Variants in SP100 observed in about 807,000 individuals in gnomAD.
The protein encoded by SP100 is SP100 nuclear body protein.
A neutral mutation model predicts 130.0 loss-of-function variants in SP100; 84 were observed. That is an observed-to-expected ratio of 0.65 (90% CI 0.54 to 0.77). The LOEUF (loss-of-function observed/expected upper bound fraction) is 0.77. SP100 is among the 30% of genes least tolerant of loss of function. The pLI, the probability that SP100 is intolerant of heterozygous loss-of-function variation, is 0.00. For missense variants in SP100, 978 were observed against 1,052.2 expected, an observed-to-expected ratio of 0.93 and a Z score of 0.97; for synonymous variants, 331 against 351.7, an observed-to-expected ratio of 0.94 and a Z score of 0.66.
chr2:230,518,960 G>GGTTT (rs1226721951), intron 24 of SP100, among the ~76,000 whole-genome samples: 1 of 152,094 alleles, frequency 6.6e-6, no homozygotes, highest in African/African-American at 2.4e-5. Flanking sequence ...ACTACAGAGA[G>GGTTT]GTTTTATAGC....
intron 8 of SP100, among the ~76,000 whole-genome samples, chr2:230,450,584 T>G (rs1416084555): frequency 6.6e-6 from 1 of 152,202 alleles, no homozygotes; most frequent in Non-Finnish European, 1.5e-5. Flanking sequence ...GTATTTCTCT[T>G]ATTTAACTAA....
At chr2:230,433,672 C>T (rs2063162945) in intron 2 of SP100, among the ~76,000 whole-genome samples, 1 of 151,856 alleles carries the variant, frequency 6.6e-6, no homozygotes, top group African/African-American at 2.4e-5. Context: ...CAATGTTTTG[C>T]CATTTTCAAC....
chr2:230,516,032 A>AG (rs60209140), intron 24 of SP100: 1 of 994,602 alleles, frequency 1.0e-6, no homozygotes, highest in Non-Finnish European at 1.2e-6. Flanking sequence ...AAAAAAAAAA[A>AG]CAGTTGCAGC....
chr2:230,533,078 G>T (rs1424713873), intron 24 of SP100, among the ~76,000 whole-genome samples: 3 of 152,110 alleles, frequency 2.0e-5, no homozygotes, highest in Non-Finnish European at 2.9e-5. Context: ...ACCGTGCCCG[G>T]CCCTGATGCT....
chr2:230,424,333 T>C (rs1032250035), intron 2 of SP100, among the ~76,000 whole-genome samples: 2 of 152,156 alleles, frequency 1.3e-5, no homozygotes, highest in Admixed American at 1.3e-4. Flanking sequence ...TCACATGCTA[T>C]ATGGATAAGC....
chr2:230,523,544 T>C (rs1315239672), intron 24 of SP100, among the ~76,000 whole-genome samples: 3 of 152,060 alleles, frequency 2.0e-5, no homozygotes, highest in African/African-American at 7.3e-5. Context: ...TATTCATTAA[T>C]TAAGTTCAAA....
At position 230,543,187 on chromosome 2, in the gene SP100, A is replaced by G. The variant is rs1692239853; in HGVS notation, c.*241A>G. 1 of 335,390 alleles carries G rather than the reference A, an allele frequency of 3.0e-6. No individual in the cohort carries two copies. Among genetic ancestry groups the G allele is most frequent in the Admixed American group, 4.7e-5 (1 of 21,188 alleles). 20.8% of individuals were successfully genotyped at this position (335,390 alleles called of 1,614,324 possible). A position where few individuals can be genotyped will look rare whatever the true frequency, so the allele number is the denominator to read the frequency against. On this transcript the variant is annotated 3_prime_UTR_variant, in exon 29 of 29. Transcript: ENST00000340126. ...AAAATAATAAGAGCCATTTATGACAAACCCACAGACAACATTATATGGAAT... is the reference window on the plus strand; with the variant it reads ...AAAATAATAAGAGCCATTTATGACAGACCCACAGACAACATTATATGGAAT...
Position 230,464,053 on chromosome 2 carries a change from A to T in SP100, c.1058-14A>T, listed in dbSNP as rs1476482604. On this transcript the variant is annotated splice_polypyrimidine_tract_variant and intron_variant, in intron 10 of 28. Transcript: ENST00000340126. Reference sequence around the variant, plus strand: ...CACACTGAGACCTCTAAAGAATCCCATTCTTTTGTGCAGTGATCAATAATG... The same window carrying T: ...CACACTGAGACCTCTAAAGAATCCCTTTCTTTTGTGCAGTGATCAATAATG... 6.3e-7 allele frequency: 1 copy of T among 1,584,592 alleles called. No individual in the cohort carries two copies. The highest frequency in any genetic ancestry group is 1.3e-5 in the African/African-American group (1 of 74,430).
intron 22 of SP100, among the ~76,000 whole-genome samples, 189 bp from the exon 23 acceptor site, chr2:230,507,804 C>T (rs2150075381): frequency 6.6e-6 from 1 of 152,056 alleles, no homozygotes; most frequent in East Asian, 1.9e-4. Flanking sequence ...GTCATGAGGC[C>T]AGAGGAAGGC....
intron 17 of SP100, among the ~76,000 whole-genome samples, chr2:230,476,529 C>T (rs6436940): frequency 0.025 from 3,747 of 152,026 alleles, 178 homozygotes; most frequent in African/African-American, 0.086. Context: ...CTTCATCTTG[C>T]TTTTCATTCT....
intron 19 of SP100, among the ~76,000 whole-genome samples, 161 bp from the exon 20 acceptor site, chr2:230,502,905 C>A (rs143601839): frequency 1.3e-5 from 2 of 152,164 alleles, no homozygotes; most frequent in East Asian, 3.9e-4. Flanking sequence ...AAAACCTTAA[C>A]TACTTACTAT....
intron 2 of SP100, 88 bp from the exon 3 acceptor site, chr2:230,442,849 G>T: frequency 8.8e-7 from 1 of 1,132,460 alleles, no homozygotes; most frequent in Non-Finnish European, 1.3e-6. Flanking sequence ...ATTCTTTGTA[G>T]CTTGTCCTTT....
chr2:230,473,168 A>T (rs2065359729), intron 15 of SP100, 156 bp from the exon 16 acceptor site: 14 of 544,442 alleles, frequency 2.6e-5, no homozygotes, highest in Non-Finnish European at 4.7e-5. Flanking sequence ...AGAAGGGAAA[A>T]ATACAGTGAG....
At chr2:230,473,839 A>G (rs982383956) in intron 16 of SP100, among the ~76,000 whole-genome samples, 2 of 152,194 alleles carry the variant, frequency 1.3e-5, no homozygotes, top group African/African-American at 4.8e-5. Flanking sequence ...TAGCATATCA[A>G]TAGTAAAGTG....
chr2:230,440,382 A>G (rs1262928203), intron 2 of SP100: 1 of 342,702 alleles, frequency 2.9e-6, no homozygotes, highest in Non-Finnish European at 4.9e-6. Flanking sequence ...TTTGAAAAGC[A>G]TTATCATTTA....
intron 15 of SP100, among the ~76,000 whole-genome samples, chr2:230,472,629 T>C (rs1431234231): frequency 3.6e-4 from 54 of 151,388 alleles, no homozygotes; most frequent in Non-Finnish European, 7.4e-5. Context: ...CAACAAGAAG[T>C]ATGTAGAGAA....
chr2:230,540,918 G>C lies in SP100; in HGVS notation c.2253G>C (p.Gln751His), dbSNP rs766422490. The C allele has an allele frequency of 1.2e-6, 2 of 1,613,792 alleles. No homozygotes were observed. Among genetic ancestry groups the C allele is most frequent in the South Asian group, 2.2e-5 (2 of 91,036 alleles). Residue 751 changes from glutamine (Q) to histidine (H), a missense_variant, in exon 26 of 29, where the codon CAG becomes CAC. Coordinates refer to ENST00000340126, the MANE Select transcript of SP100 (RefSeq NM_001080391.2). ...SCIFCRIKTI[Q>H]ERCPESQSGH... ...TCTTCTGCAGGATAAAGACTATTCAGGAAAGATGCCCAGAAAGCCAATCAG... is the reference window on the plus strand; with the variant it reads ...TCTTCTGCAGGATAAAGACTATTCACGAAAGATGCCCAGAAAGCCAATCAG...
chr2:230,452,334 C>A (rs1044031115), intron 8 of SP100, among the ~76,000 whole-genome samples: 11 of 152,056 alleles, frequency 7.2e-5, no homozygotes, highest in African/African-American at 2.7e-4. Flanking sequence ...TACTCCACCA[C>A]GCCCAGCTAA....
chr2:230,440,421 G>C, intron 2 of SP100: 2 of 537,026 alleles, frequency 3.7e-6, no homozygotes, highest in Non-Finnish European at 5.4e-6. Context: ...AAAATAACTA[G>C]GAATAAATTT....
Sources: allele counts gnomAD v4.1 joint callset (sites outside exome capture counted in the v4.1 genomes callset), GRCh38; gene constraint gnomAD v4.1.1; transcripts MANE v1.5; gene names NCBI Gene and HGNC (gene_info 2026-07-23, HGNC 2026-07-21).